RARA: variants seen among roughly 807,000 people sequenced by gnomAD.
The protein encoded by RARA is PML-DDX5-RARA fusion.
In RARA, 5 loss-of-function variants were observed where a neutral mutation model predicts 42.8. That is an observed-to-expected ratio of 0.12 (90% CI 0.06 to 0.25). RARA has a LOEUF of 0.25. Among genes scored for constraint, RARA ranks in the 10% least tolerant of loss-of-function variants. RARA has a pLI of 1.00. For synonymous variants in RARA, 256 were observed against 259.5 expected (o/e 0.99, Z 0.13); for missense variants, 402 against 628.7 (o/e 0.64, Z 3.86).
rs190464100 is a variant in RARA at position 40,355,814 on chromosome 17, G to A, written c.1172-195G>A. Among the ~76,000 whole-genome samples the A allele has an allele frequency of 1.1e-4, 16 of 152,356 alleles. 1 individual carries two copies. The highest frequency in any genetic ancestry group is 3.6e-4 in the African/African-American group (15 of 41,580). ...CAGTCTGGCCCTGGAGCCGGAGTTC[G>A]GGACCACTTTGCCCCATTGCCACCA... On this transcript the variant is annotated intron_variant, in intron 8 of 8. Coordinates refer to ENST00000254066, the MANE Select transcript of RARA (RefSeq NM_000964.4). This position sits in a 1 kb window ranked among gnomAD's most constrained non-coding sequence, Gnocchi z 4.1.
rs1897058814 is a variant in RARA at position 40,351,662 on chromosome 17, G to T, written c.470-248G>T. Reference sequence around the variant, plus strand: ...CATGCGGCTGGCTATGGGGTGGGGTGGGGGGTGTGTGCAGGGCCACAGCTG... The same window carrying T: ...CATGCGGCTGGCTATGGGGTGGGGTTGGGGGTGTGTGCAGGGCCACAGCTG... On this transcript the variant is annotated intron_variant, in intron 4 of 8. Transcript: ENST00000254066. The surrounding 1 kb of genome is among the most constrained non-coding windows in gnomAD (Gnocchi z 4.1). 3.6e-6 allele frequency: 2 copies of T among 560,666 alleles called. No individual in the cohort carries two copies. The highest frequency in any genetic ancestry group is 6.3e-5 in the East Asian group (2 of 31,990). 34.7% of individuals were successfully genotyped at this position (560,666 alleles called of 1,614,324 possible). A position where few individuals can be genotyped will look rare whatever the true frequency, so the allele number is the denominator to read the frequency against.
chr17:40,314,002 C>T (rs1444657236), intron 1 of RARA, among the ~76,000 whole-genome samples: 1 of 152,152 alleles, frequency 6.6e-6, no homozygotes, highest in African/African-American at 2.4e-5. Flanking sequence ...GCACTGAGCA[C>T]AGGAATTATT....
chr17:40,355,976 G>A lies in RARA; in HGVS notation c.1172-33G>A. On this transcript the variant is annotated intron_variant, in intron 8 of 8. Coordinates refer to ENST00000254066, the MANE Select transcript of RARA (RefSeq NM_000964.4). This position sits in a 1 kb window ranked among gnomAD's most constrained non-coding sequence, Gnocchi z 4.1. Reference sequence around the variant, plus strand: ...GGCTGGGGGTGGGAGGGCTGGCCCAGCGTGCTGACCTCTGCCCCCTCCTTT... The same window carrying A: ...GGCTGGGGGTGGGAGGGCTGGCCCAACGTGCTGACCTCTGCCCCCTCCTTT... The A allele has an allele frequency of 6.4e-7, 1 of 1,557,500 alleles. No individual in the cohort carries two copies. The highest frequency in any genetic ancestry group is 8.7e-7 in the Non-Finnish European group (1 of 1,151,164).
chr17:40,321,823 AC>A (rs1249371930), intron 1 of RARA, among the ~76,000 whole-genome samples: 4 of 151,316 alleles, frequency 2.6e-5, no homozygotes, highest in Non-Finnish European at 5.9e-5. Context: ...AGGCAACTCC[AC>A]CCCCCCAACT....
intron 6 of RARA, among the ~76,000 whole-genome samples, chr17:40,353,239 C>CGG (rs1266279656): frequency 6.6e-6 from 1 of 151,244 alleles, no homozygotes; most frequent in Non-Finnish European, 1.5e-5. Context: ...AGGGGACTGC[C>CGG]GGGCACTCGG....
intron 1 of RARA, among the ~76,000 whole-genome samples, chr17:40,314,817 G>A (rs1157853875): frequency 1.3e-5 from 2 of 151,820 alleles, no homozygotes; most frequent in Non-Finnish European, 2.9e-5. Flanking sequence ...TCCCCCGGAT[G>A]CAGCTGAGTC....
chr17:40,344,749 G>C (rs1454481218), intron 2 of RARA, among the ~76,000 whole-genome samples: 3 of 152,240 alleles, frequency 2.0e-5, no homozygotes, highest in Admixed American at 6.5e-5. Context: ...AAGTGAGTGA[G>C]GTGTCAGTGG....
chr17:40,329,195 C>T (rs1216839308), intron 1 of RARA, among the ~76,000 whole-genome samples: 1 of 151,672 alleles, frequency 6.6e-6, no homozygotes, highest in African/African-American at 2.4e-5. Context: ...TGCAGTGACA[C>T]AATCTCGGCT....
intron 1 of RARA, among the ~76,000 whole-genome samples, chr17:40,325,423 G>C (rs956854050): frequency 1.6e-4 from 25 of 152,070 alleles, no homozygotes; most frequent in African/African-American, 6.0e-4. Flanking sequence ...TTGGCCAGAG[G>C]GGACCCTTGA....
rs761720053 is a variant in RARA, at chr17:40,355,420, G to A, written c.1170G>A (p.Lys390=). The change falls in exon 8 of 9, where the codon AAG becomes AAA. Residue 390 remains lysine (K), a splice_region_variant and synonymous_variant. Coordinates refer to ENST00000254066, the MANE Select transcript of RARA (RefSeq NM_000964.4). The surrounding 1 kb of genome is among the most constrained non-coding windows in gnomAD (Gnocchi z 4.1). ...CTGACCTGCGAAGCATCAGCGCCAAGGGTGAGGCTCACAGACCTGGAGGGG... is the reference window on the plus strand; with the variant it reads ...CTGACCTGCGAAGCATCAGCGCCAAAGGTGAGGCTCACAGACCTGGAGGGG... ...KITDLRSISA[K]GAERVITLKM... 3.1e-6 allele frequency: 5 copies of A among 1,613,194 alleles called. No homozygotes were observed. Among genetic ancestry groups the A allele is most frequent in the Non-Finnish European group, 4.2e-6 (5 of 1,179,362 alleles).
At chr17:40,323,609 T>C (rs1005847739) in intron 1 of RARA, among the ~76,000 whole-genome samples, 3 of 151,898 alleles carry the variant, frequency 2.0e-5, no homozygotes, top group Non-Finnish European at 4.4e-5. Context: ...GCCATGGGGA[T>C]CTGTGACCTA....
At position 40,356,547 on chromosome 17, in the gene RARA, ATCT is replaced by A; in HGVS notation, c.*324_*326del. On this transcript the variant is annotated 3_prime_UTR_variant, in exon 9 of 9. Transcript: ENST00000254066. Reference sequence around the variant, plus strand: ...GACACCCCTCTGCCCAGCTCACCACATCTTCATCACCAGCAAACGCCAGGACTT... The same window carrying A: ...GACACCCCTCTGCCCAGCTCACCACATCATCACCAGCAAACGCCAGGACTT... The A allele has an allele frequency of 1.7e-6, 1 of 603,972 alleles. No homozygotes were observed. Among genetic ancestry groups the A allele is most frequent in the East Asian group, 3.4e-5 (1 of 29,366 alleles). The allele number at this position is 603,972 out of a possible 1,614,324, so 37.4% of individuals were successfully genotyped here. A position where few individuals can be genotyped will look rare whatever the true frequency, so the allele number is the denominator to read the frequency against.
intron 1 of RARA, among the ~76,000 whole-genome samples, chr17:40,317,187 G>A (rs2033232736): frequency 6.6e-6 from 1 of 152,242 alleles, no homozygotes; most frequent in South Asian, 2.1e-4. Context: ...TCCTCACTGG[G>A]CTGGAGGCCT....
At chr17:40,321,347 C>G (rs183420065) in intron 1 of RARA, among the ~76,000 whole-genome samples, 9 of 152,052 alleles carry the variant, frequency 5.9e-5, no homozygotes, top group Admixed American at 5.9e-4. Context: ...CCCCTCGCTC[C>G]CCCCTAGCTG....
At chr17:40,341,317 G>T (rs2034026259) in intron 2 of RARA, 1 of 1,388,600 alleles carries the variant, frequency 7.2e-7, no homozygotes, top group Non-Finnish European at 9.4e-7. Context: ...GTGGGGAGGA[G>T]GGCCCCCTCT....
intron 1 of RARA, among the ~76,000 whole-genome samples, chr17:40,328,601 G>A (rs912263414): frequency 3.4e-4 from 52 of 152,120 alleles, no homozygotes; most frequent in Non-Finnish European, 6.3e-4. Flanking sequence ...TCAAATCCAC[G>A]CCCCAGCTCC....
chr17:40,310,987 G>A (rs991280658), intron 1 of RARA, among the ~76,000 whole-genome samples: 5 of 152,176 alleles, frequency 3.3e-5, no homozygotes, highest in Non-Finnish European at 4.4e-5. Context: ...AATGCAGGTT[G>A]TAGCTGTTAC....
intron 1 of RARA, among the ~76,000 whole-genome samples, chr17:40,309,584 G>A (rs2033057543): frequency 6.6e-6 from 1 of 152,172 alleles, no homozygotes; most frequent in African/African-American, 2.4e-5. Flanking sequence ...CCTCCTTTGC[G>A]GTATTGCCTA....
At chr17:40,348,525 C>T (rs187654761) in intron 3 of RARA, 61 bp downstream of exon 3, 1 of 1,571,276 alleles carries the variant, frequency 6.4e-7, no homozygotes, top group Non-Finnish European at 8.6e-7. Flanking sequence ...GTCCCCACTT[C>T]TGTGTCCTGG....
Sources: gnomAD v4.1 joint callset for allele counts (sites outside exome capture counted in the v4.1 genomes callset) on GRCh38, gnomAD v4.1.1 for gene constraint, Gnocchi (gnomAD v3.1) non-coding constraint, MANE v1.5 for transcripts, NCBI Gene and HGNC (gene_info 2026-07-23, HGNC 2026-07-21) for gene names.